Variants in IQGAP1 observed in about 807,000 individuals in gnomAD.
The protein encoded by IQGAP1 is IQ motif containing GTPase activating protein 1.
In IQGAP1, 66 loss-of-function variants were observed where a neutral mutation model predicts 215.6. The observed-to-expected ratio is 0.31, with a 90% CI of 0.25 to 0.38. The LOEUF is 0.38. Among genes scored for constraint, IQGAP1 ranks in the 10% least tolerant of loss-of-function variants. The pLI is 1.00. For synonymous variants in IQGAP1, 772 were observed against 728.7 expected, an observed-to-expected ratio of 1.06 and a Z score of -0.96; for missense variants, 1,712 against 1,997.1, an observed-to-expected ratio of 0.86 and a Z score of 2.72.
chr15:90,415,671 G>A (rs983938611), intron 2 of IQGAP1, among the ~76,000 whole-genome samples: 3 of 151,928 alleles, frequency 2.0e-5, no homozygotes, highest in South Asian at 2.1e-4. Flanking sequence ...TCTAATCCCC[G>A]TGCCTCATCT....
intron 13 of IQGAP1, 105 bp from the exon 14 acceptor site, chr15:90,454,323 G>T: frequency 7.3e-7 from 1 of 1,362,188 alleles, no homozygotes. Flanking sequence ...TCCAAAACTG[G>T]TCTTGAGAAT....
chr15:90,392,034 C>T (rs747681379), intron 2 of IQGAP1: 7 of 152,192 alleles, frequency 4.6e-5, no homozygotes, highest in African/African-American at 2.4e-5. Context: ...CCAGAACTAA[C>T]AAATGTTAAC....
At chr15:90,433,060 A>G (rs1025678692) in intron 4 of IQGAP1, among the ~76,000 whole-genome samples, 6 of 152,216 alleles carry the variant, frequency 3.9e-5, no homozygotes, top group South Asian at 2.1e-4. Context: ...CGTGTGGCTT[A>G]TAGTCTGTTG....
At chr15:90,452,146 A>G (rs1323577356) in intron 11 of IQGAP1, among the ~76,000 whole-genome samples, 1 of 152,148 alleles carries the variant, frequency 6.6e-6, no homozygotes, top group East Asian at 1.9e-4. Flanking sequence ...CCAGTTTTAA[A>G]GGTAGAACTG....
At chr15:90,449,091 T>C (rs1160119673) in intron 10 of IQGAP1, among the ~76,000 whole-genome samples, 1 of 152,106 alleles carries the variant, frequency 6.6e-6, no homozygotes, top group Non-Finnish European at 1.5e-5. Context: ...AACTGCACCT[T>C]ATTAGTTTGC....
chr15:90,499,971 T>G, intron 37 of IQGAP1, 24 bp from the exon 38 acceptor site: 1 of 1,209,946 alleles, frequency 8.3e-7, no homozygotes, highest in East Asian at 2.4e-5. Flanking sequence ...TGTTTTGTTT[T>G]GTTTTGTTTT....
chr15:90,398,657 A>T (rs1964760144), intron 2 of IQGAP1, among the ~76,000 whole-genome samples: 1 of 152,170 alleles, frequency 6.6e-6, no homozygotes. Flanking sequence ...TACTGATGTT[A>T]GCTTACAGTT....
chr15:90,466,328 C>T lies in IQGAP1; in HGVS notation c.1927C>T (p.Leu643=), dbSNP rs1483918200. Residue 643 remains leucine, a synonymous_variant, in exon 17 of 38, where the codon CTG becomes TTG. Transcript: ENST00000268182. ...AVESGDVGKT[L]SALRSPDVGL... ...AGAAAGTGGTGATGTTGGCAAAACA[C>T]TGAGTGCCCTTCGCTCCCCTGATGT... 6.2e-7 allele frequency: 1 copy of T among 1,614,122 alleles called. No individual in the cohort carries two copies. The highest frequency in any genetic ancestry group is 8.5e-7 in the Non-Finnish European group (1 of 1,179,976).
chr15:90,388,242 G>A lies in IQGAP1; in HGVS notation c.-100G>A, dbSNP rs1379262632. On this transcript the variant is annotated 5_prime_UTR_variant, in exon 1 of 38. Transcript: ENST00000268182. ...TGACGGCACGGGGCGGGGCCTCGGG[G>A]ACCCCGGCAAGCCCGCGCACTTGGC... is the stretch of plus-strand genomic sequence containing the variant. 38 of 1,353,348 alleles carry A rather than the reference G, an allele frequency of 2.8e-5. No homozygotes were observed. The highest frequency in any genetic ancestry group is 3.6e-5 in the Non-Finnish European group (35 of 984,482). The allele number at this position is 1,353,348 out of a possible 1,614,324, so 83.8% of individuals were successfully genotyped here. A position where few individuals can be genotyped will look rare whatever the true frequency, so the allele number is the denominator to read the frequency against.
At position 90,474,746 on chromosome 15, in the gene IQGAP1, C is replaced by A. The variant is rs1368758583; in HGVS notation, c.2784+53C>A. On this transcript the variant is annotated intron_variant, in intron 23 of 37. Transcript: ENST00000268182. ...GGAACGGTTCATCCTGCTTTGTAACCCCTGCATTCCCCTTTCTGACTGGTG... is the reference window on the plus strand; with the variant it reads ...GGAACGGTTCATCCTGCTTTGTAACACCTGCATTCCCCTTTCTGACTGGTG... The A allele has an allele frequency of 3.1e-6, 4 of 1,304,036 alleles. 1 individual carries two copies. The highest frequency in any genetic ancestry group is 4.7e-4 in the Middle Eastern group (2 of 4,220). The allele number at this position is 1,304,036 out of a possible 1,614,324, so 80.8% of individuals were successfully genotyped here. A position where few individuals can be genotyped will look rare whatever the true frequency, so the allele number is the denominator to read the frequency against.
intron 5 of IQGAP1, among the ~76,000 whole-genome samples, chr15:90,437,753 T>C (rs914808690): frequency 1.7e-4 from 26 of 152,268 alleles, no homozygotes; most frequent in African/African-American, 5.1e-4. Flanking sequence ...TTGCTCAAGC[T>C]GTTTTGAATT....
intron 9 of IQGAP1, 42 bp from the exon 10 acceptor site, chr15:90,448,531 G>C: frequency 6.6e-7 from 1 of 1,519,250 alleles, no homozygotes; most frequent in Non-Finnish European, 8.8e-7. Flanking sequence ...AGGCTCTTCT[G>C]TTAACATAGT....
intron 6 of IQGAP1, 115 bp downstream of exon 6, chr15:90,439,514 GA>G: frequency 7.4e-6 from 5 of 677,068 alleles, no homozygotes; most frequent in African/African-American, 1.8e-5. Flanking sequence ...CAGTGGAGGT[GA>G]AAAAAATACG....
intron 2 of IQGAP1, among the ~76,000 whole-genome samples, chr15:90,405,696 A>G (rs1964867679): frequency 6.6e-6 from 1 of 151,420 alleles, no homozygotes; most frequent in Non-Finnish European, 1.5e-5. Flanking sequence ...GGCAAAGGAT[A>G]GTGTATGCAA....
Position 90,448,672 on chromosome 15 carries a change from TGCA to T in IQGAP1, c.1017_1019del (p.Gln341del). The T allele has an allele frequency of 6.2e-7, 1 of 1,612,130 alleles. No homozygotes were observed. Among genetic ancestry groups the T allele is most frequent in the Non-Finnish European group, 8.5e-7 (1 of 1,179,132 alleles). ...TCACCAGCCCTGGGGCTTCGAGGAC[TGCA>T]GCAACAGAATAGCGACTGGTACTTG... On this transcript the variant is annotated inframe_deletion, in exon 10 of 38. Coordinates refer to ENST00000268182, the MANE Select transcript of IQGAP1 (RefSeq NM_003870.4).
chr15:90,458,136 T>C (rs1965712503), intron 15 of IQGAP1, among the ~76,000 whole-genome samples: 1 of 152,234 alleles, frequency 6.6e-6, no homozygotes, highest in Non-Finnish European at 1.5e-5. Context: ...AGTTATGCAA[T>C]GTATGGTCGT....
At position 90,487,655 on chromosome 15, in the gene IQGAP1, G is replaced by C; in HGVS notation, c.4248+73G>C. The C allele has an allele frequency of 8.0e-6, 8 of 1,001,928 alleles. No individual in the cohort carries two copies. In the South Asian group the frequency reaches 1.1e-4, roughly 14 times the overall value. The allele number at this position is 1,001,928 out of a possible 1,614,324, so 62.1% of individuals were successfully genotyped here. On this transcript the variant is annotated intron_variant, in intron 33 of 37. Coordinates refer to ENST00000268182, the MANE Select transcript of IQGAP1 (RefSeq NM_003870.4). Reference sequence around the variant, plus strand: ...CCCGATAGGCGCATGTCAGAGAAAGGAGGGGAGACACAAATAACAGTTGGT... The same window carrying C: ...CCCGATAGGCGCATGTCAGAGAAAGCAGGGGAGACACAAATAACAGTTGGT...
intron 4 of IQGAP1, 122 bp downstream of exon 4, chr15:90,429,788 T>G: frequency 1.8e-6 from 1 of 565,048 alleles, no homozygotes. Context: ...TTTTAAATAC[T>G]AAAAGATGTC....
chr15:90,388,596 A>G (rs1964587063), intron 1 of IQGAP1, among the ~76,000 whole-genome samples, 200 bp downstream of exon 1: 1 of 151,878 alleles, frequency 6.6e-6, no homozygotes, highest in Admixed American at 6.5e-5. Context: ...GAGGCGGCGG[A>G]GAGGACCCCC....
Sources: allele counts gnomAD v4.1 joint callset (sites outside exome capture counted in the v4.1 genomes callset), GRCh38; gene constraint gnomAD v4.1.1; transcripts MANE v1.5; gene names NCBI Gene and HGNC (gene_info 2026-07-23, HGNC 2026-07-21).